Variants in BRICD5 observed in about 807,000 individuals in gnomAD.
BRICD5 encodes BRICHOS domain-containing protein 5.
A neutral mutation model predicts 28.4 loss-of-function variants in BRICD5; 51 were observed. The ratio of observed to expected loss-of-function variants is 1.80; its 90% CI spans 1.43 to 2.27. The LOEUF (loss-of-function observed/expected upper bound fraction) is 2.27, where lower values mean the gene tolerates loss of function less well. BRICD5 is among the 30% of genes most tolerant of loss of function. The probability of loss-of-function intolerance (pLI) is 0.00; values close to 1 mark genes in which losing one functional copy is unlikely to be tolerated. For missense variants in BRICD5, 456 were observed against 309.6 expected (o/e 1.47, Z -3.55); for synonymous variants, 177 against 130.2 (o/e 1.36, Z -2.44).
Position 2,209,346 on chromosome 16 carries a change from G to A in BRICD5, c.*16C>T. On this transcript the variant is annotated 3_prime_UTR_variant, in exon 6 of 6. Coordinates refer to ENST00000328540, the MANE Select transcript of BRICD5 (RefSeq NM_182563.4). ...CACTGGATTGGGGACGGGCCAGGCT[G>A]GGCCAGGTCGGGGGCTCAGTCTGGG... 6.2e-7 allele frequency: 1 copy of A among 1,605,854 alleles called. No individual in the cohort carries two copies. Among genetic ancestry groups the A allele is most frequent in the Non-Finnish European group, 8.5e-7 (1 of 1,174,108 alleles).
Position 2,209,266 on chromosome 16 carries a change from G to C in BRICD5, c.*96C>G, listed in dbSNP as rs2093358014. 8.5e-7 allele frequency: 1 copy of C among 1,180,674 alleles called. No individual in the cohort carries two copies. The highest frequency in any genetic ancestry group is 1.2e-6 in the Non-Finnish European group (1 of 817,582). The allele number at this position is 1,180,674 out of a possible 1,614,324, so 73.1% of individuals were successfully genotyped here. A position where few individuals can be genotyped will look rare whatever the true frequency, so the allele number is the denominator to read the frequency against. On this transcript the variant is annotated 3_prime_UTR_variant, in exon 6 of 6. Transcript: ENST00000328540. ...ACCACCACCATGGCCAGGTGGAAGG[G>C]TTTATTAGTCCCTGCCAGCAGCTGT...
chr16:2,209,607 A>G lies in BRICD5; in HGVS notation c.538T>C (p.Leu180=), dbSNP rs1443415981. 4 of 1,612,800 alleles carry G rather than the reference A, an allele frequency of 2.5e-6. No individual in the cohort carries two copies. The highest frequency in any genetic ancestry group is 3.4e-6 in the Non-Finnish European group (4 of 1,179,926). ...LEVDPAQAGA[L]VQRLCMRTPI... ...GTCCTCATGCACAGGCGCTGCACCA[A>G]AGCCCCCGCCTGGGCGGGGTCCACT... Residue 180 remains leucine, a synonymous_variant, in exon 5 of 6, where the codon TTG becomes CTG. Transcript: ENST00000328540.
intron 1 of BRICD5, 46 bp from the exon 2 acceptor site, chr16:2,210,696 G>A: frequency 6.2e-7 from 1 of 1,610,500 alleles, no homozygotes; most frequent in Non-Finnish European, 8.5e-7. Context: ...TTAGACATCA[G>A]GGAGCAAGTG....
rs142547964 is a variant in BRICD5 at position 2,209,598 on chromosome 16, G to A, written c.547C>T (p.Arg183Cys). 151 of 1,612,440 alleles carry A rather than the reference G, an allele frequency of 9.4e-5. No homozygotes were observed. The highest frequency in any genetic ancestry group is 8.1e-4 in the South Asian group (74 of 91,082). The change falls in exon 5 of 6, where the codon CGC becomes TGC. Residue 183 changes from arginine to cysteine, a missense_variant. Arg to Cys is a radical substitution (Grantham distance 180). Transcript: ENST00000328540. ...DPAQAGALVQ[R>C]LCMRTPIYWA... ...TAGATGGGGGTCCTCATGCACAGGCGCTGCACCAAAGCCCCCGCCTGGGCG... is the reference window on the plus strand; with the variant it reads ...TAGATGGGGGTCCTCATGCACAGGCACTGCACCAAAGCCCCCGCCTGGGCG...
Position 2,210,580 on chromosome 16 carries a change from A to C in BRICD5, c.122T>G (p.Leu41Arg), listed in dbSNP as rs1205547446. Residue 41 changes from leucine to arginine, a missense_variant, in exon 2 of 6, where the codon CTG (leucine) becomes CGG (arginine). Physicochemically the swap from Leu to Arg is moderately radical, Grantham distance 102. Transcript: ENST00000328540. ...SLLLLLLLLV[L>R]AAVGVVAGGL... ...TCCAGCCACAACCCCCACAGCGGCC[A>C]GCACCAGCAGCAGCAGCAGCAGGAG... 6.2e-7 allele frequency: 1 copy of C among 1,612,210 alleles called. No individual in the cohort carries two copies. Among genetic ancestry groups the C allele is most frequent in the South Asian group, 1.1e-5 (1 of 91,048 alleles).
At chr16:2,210,446 T>C in intron 2 of BRICD5, 76 bp downstream of exon 2, 1 of 1,542,788 alleles carries the variant, frequency 6.5e-7, no homozygotes, top group Admixed American at 1.9e-5. Flanking sequence ...ACCCTTGCTC[T>C]GCTGGAGGCT....
At chr16:2,210,381 C>A (rs773202444) in intron 2 of BRICD5, 100 bp from the exon 3 acceptor site, 3 of 1,534,278 alleles carry the variant, frequency 2.0e-6, no homozygotes, top group Non-Finnish European at 2.6e-6. Context: ...GTGGGCCCTT[C>A]CACCCCTTGG....
chr16:2,209,478 T>C (rs753528058), intron 5 of BRICD5, 22 bp from the exon 6 acceptor site: 4 of 1,613,276 alleles, frequency 2.5e-6, no homozygotes, highest in Non-Finnish European at 1.7e-6. Context: ...GTGCCGTGAA[T>C]CTCCAAGGGC....
upstream of BRICD5, chr16:2,210,863 TG>T (rs1484316860): frequency 6.3e-7 from 1 of 1,599,580 alleles, no homozygotes; most frequent in Non-Finnish European, 8.5e-7. Context: ...ATGTGCCGAT[TG>T]TCTGCGTCCC....
chr16:2,210,173 G>T lies in BRICD5; in HGVS notation c.289C>A (p.Pro97Thr). 1 of 1,607,496 alleles carries T rather than the reference G, an allele frequency of 6.2e-7. No individual in the cohort carries two copies. The highest frequency in any genetic ancestry group is 1.1e-5 in the South Asian group (1 of 90,284). The change falls in exon 3 of 6, where the codon CCA becomes ACA. Residue 97 changes from proline to threonine, a missense_variant. Coordinates refer to ENST00000328540, the MANE Select transcript of BRICD5 (RefSeq NM_182563.4). ...ARNAATITVT[P>T]PQSNHSWAVL... is the part of the protein sequence containing the mutation. ...GCCCAGCTGTGGTTGCTCTGAGGTG[G>T]GGTCACTGTGATGGTCGCCGCGTTC...
At position 2,209,621 on chromosome 16, in the gene BRICD5, G is replaced by C. The variant is rs1026656130; in HGVS notation, c.524C>G (p.Ala175Gly). The change falls in exon 5 of 6, where the codon GCC (alanine) becomes GGC (glycine). Residue 175 changes from alanine (A) to glycine (G), a missense_variant. Ala to Gly is a moderately conservative substitution (Grantham distance 60). Coordinates refer to ENST00000328540, the MANE Select transcript of BRICD5 (RefSeq NM_182563.4). ...AVQGSLEVDP[A>G]QAGALVQRLC... Reference sequence around the variant, plus strand: ...GCGCTGCACCAAAGCCCCCGCCTGGGCGGGGTCCACTTCGAGGCTCCCCTG... The same window carrying C: ...GCGCTGCACCAAAGCCCCCGCCTGGCCGGGGTCCACTTCGAGGCTCCCCTG... 4 of 1,613,094 alleles carry C rather than the reference G, an allele frequency of 2.5e-6. No individual in the cohort carries two copies. In the African/African-American group the frequency reaches 5.3e-5, roughly 22 times the overall value.
At position 2,210,165 on chromosome 16, in the gene BRICD5, C is replaced by T. The variant is rs776767403; in HGVS notation, c.297G>A (p.Gln99=). The stretch of plus-strand genomic sequence containing the variant: ...ACAGCACCGCCCAGCTGTGGTTGCT[C>T]TGAGGTGGGGTCACTGTGATGGTCG... ...NAATITVTPP[Q]SNHSWAVLFD... is the part of the protein sequence containing the mutation. The change falls in exon 3 of 6, where the codon CAG becomes CAA. Residue 99 remains glutamine (Q), a synonymous_variant. Transcript: ENST00000328540. 6.2e-7 allele frequency: 1 copy of T among 1,608,322 alleles called. No individual in the cohort carries two copies. The highest frequency in any genetic ancestry group is 1.3e-5 in the African/African-American group (1 of 74,902).
rs374423982 is a variant in BRICD5, at chr16:2,210,148, G to A, written c.314C>T (p.Ala105Val). Residue 105 changes from alanine (A) to valine (V), a missense_variant, in exon 3 of 6, where the codon GCG (alanine) becomes GTG (valine). By Grantham distance (64) the Ala-to-Val change is moderately conservative. Transcript: ENST00000328540. ...VTPPQSNHSWAVLFDGQSGCI... is the reference protein window; with the variant it reads ...VTPPQSNHSWVVLFDGQSGCI... ...CACGCTCTGCCCGTCGAACAGCACC[G>A]CCCAGCTGTGGTTGCTCTGAGGTGG... 5.2e-5 allele frequency: 84 copies of A among 1,608,714 alleles called. No homozygotes were observed. The highest frequency in any genetic ancestry group is 4.6e-4 in the South Asian group (42 of 90,440).
intron 4 of BRICD5, 77 bp from the exon 5 acceptor site, chr16:2,209,783 AC>A: frequency 1.4e-6 from 2 of 1,459,926 alleles, no homozygotes; most frequent in Non-Finnish European, 9.3e-7. Context: ...GTACCCTCCA[AC>A]CCCCAGTGAT....
At position 2,210,137 on chromosome 16, in the gene BRICD5, C is replaced by T. The variant is rs374255745; in HGVS notation, c.325G>A (p.Asp109Asn). Residue 109 changes from aspartate (D) to asparagine (N), a missense_variant, in exon 3 of 6, where the codon GAC becomes AAC. Physicochemically the swap from Asp to Asn is conservative, Grantham distance 23. Transcript: ENST00000328540. ...CCCTGCCCACTCACGCTCTGCCCGT[C>T]GAACAGCACCGCCCAGCTGTGGTTG... ...QSNHSWAVLF[D>N]GQSGCICYRP... 2.3e-5 allele frequency: 37 copies of T among 1,609,044 alleles called. No homozygotes were observed. The highest frequency in any genetic ancestry group is 3.0e-5 in the Non-Finnish European group (35 of 1,178,716).
chr16:2,210,330 C>T (rs1273577783), intron 2 of BRICD5, 49 bp from the exon 3 acceptor site: 2 of 1,505,210 alleles, frequency 1.3e-6, no homozygotes, highest in African/African-American at 1.4e-5. Flanking sequence ...AACCCCAGCA[C>T]AGCCTCCAGC....
chr16:2,210,824 C>G lies in BRICD5; in HGVS notation c.10G>C (p.Ala4Pro). Reference sequence around the variant, plus strand: ...TTGGGGCGCTCAGCACAGCAGCTTGCTGGTTCCATCCTGCAGCCCCTGCTC... The same window carrying G: ...TTGGGGCGCTCAGCACAGCAGCTTGGTGGTTCCATCCTGCAGCCCCTGCTC... MEP[A>P]SCCAERPKPG... Residue 4 changes from alanine (A) to proline (P), a missense_variant, in exon 1 of 6, where the codon GCA becomes CCA. Transcript: ENST00000328540. 1 of 1,602,964 alleles carries G rather than the reference C, an allele frequency of 6.2e-7. No individual in the cohort carries two copies. The highest frequency in any genetic ancestry group is 8.5e-7 in the Non-Finnish European group (1 of 1,179,904).
chr16:2,209,311 C>T lies in BRICD5; in HGVS notation c.*51G>A, dbSNP rs780707788. 1 of 1,545,822 alleles carries T rather than the reference C, an allele frequency of 6.5e-7. No homozygotes were observed. Among genetic ancestry groups the T allele is most frequent in the Admixed American group, 1.7e-5 (1 of 58,510 alleles). ...AGCTGTCCTCCCTGGTGCAGGTGGC[C>T]TGGCCAGCCCACTGGATTGGGGACG... On this transcript the variant is annotated 3_prime_UTR_variant, in exon 6 of 6. Transcript: ENST00000328540.
rs141214489 is a variant in BRICD5 at position 2,210,192 on chromosome 16, C to G, written c.270G>C (p.Ala90=). The G allele has an allele frequency of 3.1e-6, 5 of 1,599,674 alleles. No individual in the cohort carries two copies. The Admixed American group carries it at 8.5e-5, about 27-fold the overall frequency. ...QTILVDVARN[A]ATITVTPPQS... ...GAGGTGGGGTCACTGTGATGGTCGC[C>G]GCGTTCCGGGCCACGTCCACCAGGA... is the stretch of plus-strand genomic sequence containing the variant. The change falls in exon 3 of 6, where the codon GCG becomes GCC. Residue 90 remains alanine (A), a synonymous_variant. Transcript: ENST00000328540.
Sources: gnomAD v4.1 joint callset for allele counts on GRCh38, gnomAD v4.1.1 for gene constraint, MANE v1.5 for transcripts, NCBI Gene and HGNC (gene_info 2026-07-23, HGNC 2026-07-21) for gene names.